PPP3CA: variants seen among roughly 807,000 people sequenced by gnomAD.
The protein encoded by PPP3CA is CAM-PRP catalytic subunit.
In PPP3CA, 14 loss-of-function variants were observed where a neutral mutation model predicts 66.5. That is an observed-to-expected ratio of 0.21 (90% confidence interval 0.14 to 0.33). The LOEUF (loss-of-function observed/expected upper bound fraction) is 0.33, where lower values mean the gene tolerates loss of function less well. Ranked by LOEUF, PPP3CA falls within the 10% of genes least tolerant of loss-of-function variation. The probability of loss-of-function intolerance (pLI) is 1.00; values close to 1 mark genes in which losing one functional copy is unlikely to be tolerated. For missense variants in PPP3CA, 317 were observed against 639.5 expected, an observed-to-expected ratio of 0.50 and a Z score of 5.44; for synonymous variants, 232 against 226.2, an observed-to-expected ratio of 1.03 and a Z score of -0.23.
intron 1 of PPP3CA, among the ~76,000 whole-genome samples, chr4:101,324,305 G>A (rs1729145132): frequency 6.6e-6 from 1 of 152,036 alleles, no homozygotes; most frequent in South Asian, 2.1e-4. Context: ...ATAAGCAGCA[G>A]AGCCAGGATT....
At chr4:101,066,694 A>AC (rs1728696254) in intron 8 of PPP3CA, among the ~76,000 whole-genome samples, 1 of 152,050 alleles carries the variant, frequency 6.6e-6, no homozygotes, top group Admixed American at 6.6e-5. Flanking sequence ...TGAGAAAAAA[A>AC]AACTAAAACA....
intron 1 of PPP3CA, among the ~76,000 whole-genome samples, chr4:101,208,409 A>G (rs1725201198): frequency 6.6e-6 from 1 of 152,190 alleles, no homozygotes; most frequent in Non-Finnish European, 1.5e-5. Flanking sequence ...GAGAAACCTC[A>G]CCACAAAATC....
chr4:101,251,190 C>T (rs1726666332), intron 1 of PPP3CA, among the ~76,000 whole-genome samples: 1 of 151,610 alleles, frequency 6.6e-6, no homozygotes, highest in South Asian at 2.1e-4. Flanking sequence ...AAATGTAGAA[C>T]AATGAAAGAA....
chr4:101,202,435 T>C (rs1724996439), intron 1 of PPP3CA, among the ~76,000 whole-genome samples: 1 of 152,184 alleles, frequency 6.6e-6, no homozygotes, highest in African/African-American at 2.4e-5. Flanking sequence ...TTAACTTATA[T>C]TCTCCTAGAT....
chr4:101,028,334 A>G (rs561379563), intron 13 of PPP3CA, among the ~76,000 whole-genome samples: 1 of 152,332 alleles, frequency 6.6e-6, no homozygotes, highest in South Asian at 2.1e-4. Flanking sequence ...TCTTATAACT[A>G]TATATTTAAA....
chr4:101,314,975 T>G, intron 1 of PPP3CA, among the ~76,000 whole-genome samples: 1 of 152,194 alleles, frequency 6.6e-6, no homozygotes, highest in Non-Finnish European at 1.5e-5. Context: ...AATTTTTTCA[T>G]TAAATACAAC....
rs1730701359 is a variant in PPP3CA at position 101,106,429 on chromosome 4, GAAAGAAAGAAAGA to G, written c.384+2512_384+2524del. Among the ~76,000 whole-genome samples the G allele has an allele frequency of 3.6e-4, 4 of 11,046 alleles. 1 individual carries two copies. The highest frequency in any genetic ancestry group is 1.2e-3 in the African/African-American group (4 of 3,380). 7.2% of individuals were successfully genotyped at this position (11,046 alleles called of 152,430 possible). ...AGAAAGAAAGAAAGAAAGAAAGAAA[GAAAGAAAGAAAGA>G]AAGAAAGAAAGAGAAAAGAAAAGAA... is the stretch of plus-strand genomic sequence containing the variant. On this transcript the variant is annotated intron_variant, in intron 3 of 13. Transcript: ENST00000394854.
intron 1 of PPP3CA, among the ~76,000 whole-genome samples, chr4:101,332,301 T>C (rs145816469): frequency 6.6e-6 from 1 of 152,172 alleles, no homozygotes; most frequent in Non-Finnish European, 1.5e-5. Context: ...TGTAAGGACA[T>C]GAGACTGCCT....
chr4:101,321,570 T>C (rs774605533), intron 1 of PPP3CA, among the ~76,000 whole-genome samples: 1 of 152,112 alleles, frequency 6.6e-6, no homozygotes, highest in African/African-American at 2.4e-5. Flanking sequence ...TCCTTTAAAT[T>C]TTCTTCCCCC....
Position 101,196,028 on chromosome 4 carries a change from A to G in PPP3CA, c.147T>C (p.His49=), listed in dbSNP as rs1724777986. ...GKPRVDILKA[H]LMKEGRLEES... ...CTTCCAGCCTTCCCTCCTTCATAAG[A>G]TGCGCCTTTAAGATATCCACACGAG... The change falls in exon 2 of 14, where the codon CAT becomes CAC. Residue 49 remains histidine (H), a synonymous_variant. Transcript: ENST00000394854. 6.2e-7 allele frequency: 1 copy of G among 1,613,888 alleles called. No individual in the cohort carries two copies. The highest frequency in any genetic ancestry group is 8.5e-7 in the Non-Finnish European group (1 of 1,179,970).
At chr4:101,217,338 C>A in intron 1 of PPP3CA, among the ~76,000 whole-genome samples, 1 of 152,254 alleles carries the variant, frequency 6.6e-6, no homozygotes, top group Non-Finnish European at 1.5e-5. Context: ...TGGATGCACA[C>A]TCAGGTATAT....
intron 2 of PPP3CA, among the ~76,000 whole-genome samples, chr4:101,129,398 A>G (rs1214662152): frequency 6.6e-6 from 1 of 152,158 alleles, no homozygotes; most frequent in Non-Finnish European, 1.5e-5. Context: ...GAGTTCTGCT[A>G]AGGGACAGAC....
At chr4:101,204,441 C>G (rs1401480524) in intron 1 of PPP3CA, among the ~76,000 whole-genome samples, 1 of 151,988 alleles carries the variant, frequency 6.6e-6, no homozygotes, top group Non-Finnish European at 1.5e-5. Flanking sequence ...TCAAGACCAT[C>G]CTGGCTAACA....
chr4:101,141,146 G>A (rs910195108), intron 2 of PPP3CA, among the ~76,000 whole-genome samples: 3 of 152,078 alleles, frequency 2.0e-5, no homozygotes, highest in African/African-American at 7.2e-5. Context: ...GAGGTGGGTG[G>A]ATCACTTGAG....
chr4:101,097,569 T>C (rs1457297363), intron 5 of PPP3CA, among the ~76,000 whole-genome samples: 3 of 152,144 alleles, frequency 2.0e-5, no homozygotes, highest in Admixed American at 6.5e-5. Context: ...TTTACATCAC[T>C]TTCTCCCTTT....
intron 1 of PPP3CA, among the ~76,000 whole-genome samples, chr4:101,243,777 C>T (rs1726389592): frequency 6.6e-6 from 1 of 152,146 alleles, no homozygotes; most frequent in African/African-American, 2.4e-5. Context: ...AGGAGTTAAA[C>T]ATCTCAGTTC....
chr4:101,030,764 C>T (rs1317857663), intron 12 of PPP3CA, among the ~76,000 whole-genome samples: 1 of 152,032 alleles, frequency 6.6e-6, no homozygotes. Flanking sequence ...TGTTCTAAAG[C>T]GAATGTTAAA....
intron 1 of PPP3CA, among the ~76,000 whole-genome samples, chr4:101,284,682 T>C (rs1171714998): frequency 1.3e-5 from 2 of 152,130 alleles, no homozygotes; most frequent in Middle Eastern, 3.2e-3. Flanking sequence ...CCTTATTTAT[T>C]TTGTAAGGTG....
intron 11 of PPP3CA, among the ~76,000 whole-genome samples, chr4:101,034,515 A>G (rs1357771547): frequency 7.3e-6 from 1 of 136,752 alleles, no homozygotes; most frequent in East Asian, 2.1e-4. Flanking sequence ...TCCCCCAGCT[A>G]GACAAGCCTC....
Sources: allele counts gnomAD v4.1 joint callset (sites outside exome capture counted in the v4.1 genomes callset), GRCh38; gene constraint gnomAD v4.1.1; transcripts MANE v1.5; gene names NCBI Gene and HGNC (gene_info 2026-07-23, HGNC 2026-07-21).